ATP8A2: variants seen among roughly 807,000 people sequenced by gnomAD.
ATP8A2 encodes the protein phospholipid-transporting ATPase IB.
In ATP8A2, 100 loss-of-function variants were observed where a neutral mutation model predicts 165.6. The ratio of observed to expected loss-of-function variants is 0.60; its 90% CI spans 0.51 to 0.71. The LOEUF (loss-of-function observed/expected upper bound fraction) is 0.71. Among genes scored for constraint, ATP8A2 ranks in the 30% least tolerant of loss-of-function variants. The pLI is 0.00. For synonymous variants in ATP8A2, 543 were observed against 548.8 expected (o/e 0.99, Z 0.15); for missense variants, 1,227 against 1,479.5 (o/e 0.83, Z 2.80).
At chr13:25,847,704 G>C (rs2138694516) in intron 30 of ATP8A2, among the ~76,000 whole-genome samples, 1 of 152,252 alleles carries the variant, frequency 6.6e-6, no homozygotes, top group Non-Finnish European at 1.5e-5. Context: ...TGTTGAGTAT[G>C]TTTTTCTTAT....
intron 24 of ATP8A2, among the ~76,000 whole-genome samples, chr13:25,672,909 G>A (rs193217811): frequency 6.6e-6 from 1 of 152,316 alleles, no homozygotes; most frequent in East Asian, 1.9e-4. Context: ...GGAGTGGGCA[G>A]GCTTTGGTGG....
intron 1 of ATP8A2, among the ~76,000 whole-genome samples, chr13:25,436,992 G>A (rs900157904): frequency 1.3e-5 from 2 of 152,050 alleles, no homozygotes; most frequent in African/African-American, 4.8e-5. Flanking sequence ...GCCCAGGCTG[G>A]TCTTTAATTC....
intron 35 of ATP8A2, among the ~76,000 whole-genome samples, chr13:26,003,734 A>G (rs551329270): frequency 1.3e-5 from 2 of 152,152 alleles, no homozygotes; most frequent in African/African-American, 4.8e-5. Flanking sequence ...ATTCTTCTGC[A>G]TGTGAATATC....
At chr13:26,019,666 A>G (rs904877893) in intron 36 of ATP8A2, among the ~76,000 whole-genome samples, 8 of 152,176 alleles carry the variant, frequency 5.3e-5, no homozygotes, top group African/African-American at 1.9e-4. Flanking sequence ...CCTTCCCAGC[A>G]TCAGCAGCTA....
chr13:25,822,036 G>C (rs1037733282), intron 27 of ATP8A2, among the ~76,000 whole-genome samples: 1 of 152,120 alleles, frequency 6.6e-6, no homozygotes, highest in African/African-American at 2.4e-5. Context: ...ATATGAGTAT[G>C]TACATCTGTT....
intron 27 of ATP8A2, among the ~76,000 whole-genome samples, chr13:25,805,066 G>A (rs1593373647): frequency 6.6e-6 from 1 of 152,136 alleles, no homozygotes; most frequent in East Asian, 1.9e-4. Context: ...TGTATTTTCG[G>A]TGCTTTGCTA....
intron 2 of ATP8A2, among the ~76,000 whole-genome samples, chr13:25,492,177 C>T (rs2036547655): frequency 6.6e-6 from 1 of 152,170 alleles, no homozygotes; most frequent in African/African-American, 2.4e-5. Context: ...CTGCCTCAGC[C>T]TCCCAAGTAA....
intron 27 of ATP8A2, among the ~76,000 whole-genome samples, chr13:25,797,670 A>G (rs945542534): frequency 1.4e-4 from 22 of 152,046 alleles, no homozygotes; most frequent in African/African-American, 5.1e-4. Context: ...TTCCTTTTCT[A>G]TAGTATTTTT....
intron 25 of ATP8A2, among the ~76,000 whole-genome samples, chr13:25,735,710 A>G (rs893829017): frequency 1.3e-5 from 2 of 152,200 alleles, no homozygotes; most frequent in African/African-American, 4.8e-5. Context: ...AGAACATATC[A>G]ACCATGGTGG....
chr13:25,615,820 G>A (rs2040808657), intron 24 of ATP8A2, among the ~76,000 whole-genome samples: 1 of 152,056 alleles, frequency 6.6e-6, no homozygotes, highest in South Asian at 2.1e-4. Flanking sequence ...GGACCTTCAG[G>A]TTCCCCTGTG....
intron 27 of ATP8A2, among the ~76,000 whole-genome samples, chr13:25,789,051 A>G (rs2045101582): frequency 6.6e-6 from 1 of 152,222 alleles, no homozygotes. Flanking sequence ...CTAAACAGAA[A>G]TAGTGAACGC....
intron 2 of ATP8A2, among the ~76,000 whole-genome samples, chr13:25,513,012 A>AC (rs1226853941): frequency 3.4e-4 from 29 of 84,882 alleles, no homozygotes; most frequent in South Asian, 2.8e-3. Context: ...CGGGGGGCTG[A>AC]CCCCCCCCAC....
chr13:25,530,762 T>C, intron 4 of ATP8A2, 102 bp downstream of exon 4: 1 of 711,758 alleles, frequency 1.4e-6, no homozygotes, highest in South Asian at 1.7e-5. Context: ...GGGCTATAGC[T>C]TAACCAGCCT....
rs541066404 is a variant in ATP8A2 at position 25,456,724 on chromosome 13, T to C, written c.77-12253T>C. Among the ~76,000 whole-genome samples the C allele has an allele frequency of 1.1e-3, 174 of 152,346 alleles. 1 individual carries two copies. The highest frequency in any genetic ancestry group is 6.8e-3 in the Middle Eastern group (2 of 294). On this transcript the variant is annotated intron_variant, in intron 1 of 36. Transcript: ENST00000381655. ...GTCTGTTTCCTCTCCAGACTACAAG[T>C]GCTTTGAAAGCAGGGAGAGGGTTTT...
chr13:25,957,091 C>A (rs1955541861), intron 33 of ATP8A2, among the ~76,000 whole-genome samples: 1 of 152,154 alleles, frequency 6.6e-6, no homozygotes, highest in African/African-American at 2.4e-5. Flanking sequence ...AAACTGGACC[C>A]CTTCCTCACA....
intron 2 of ATP8A2, among the ~76,000 whole-genome samples, chr13:25,508,672 G>T (rs922491311): frequency 2.0e-5 from 3 of 152,168 alleles, no homozygotes; most frequent in Non-Finnish European, 4.4e-5. Flanking sequence ...AGATGGAAAC[G>T]TATATAGGTT....
intron 25 of ATP8A2, among the ~76,000 whole-genome samples, chr13:25,713,761 C>T (rs924453705): frequency 3.3e-5 from 5 of 151,984 alleles, no homozygotes; most frequent in African/African-American, 9.7e-5. Flanking sequence ...TGTTTCCTGA[C>T]AAACAACGTG....
At chr13:25,883,083 C>G (rs1953033984) in intron 33 of ATP8A2, among the ~76,000 whole-genome samples, 1 of 152,064 alleles carries the variant, frequency 6.6e-6, no homozygotes, top group African/African-American at 2.4e-5. Flanking sequence ...AGTTAACAGC[C>G]CTGCTCAAGA....
At chr13:25,880,365 A>G (rs1952942394) in intron 33 of ATP8A2, among the ~76,000 whole-genome samples, 1 of 147,048 alleles carries the variant, frequency 6.8e-6, no homozygotes, top group African/African-American at 2.6e-5. Flanking sequence ...GATACTGTCC[A>G]GTCAGGAACA....
Sources: allele counts gnomAD v4.1 joint callset (sites outside exome capture counted in the v4.1 genomes callset), GRCh38; gene constraint gnomAD v4.1.1; transcripts MANE v1.5; gene names NCBI Gene and HGNC (gene_info 2026-07-23, HGNC 2026-07-21).